DCHS2: variants seen among roughly 807,000 people sequenced by gnomAD.
DCHS2 encodes protocadherin-23.
DCHS2 carries 142 observed loss-of-function variants against 182.4 expected under a neutral mutation model. The observed-to-expected ratio is 0.78, with a 90% confidence interval of 0.68 to 0.89. The LOEUF (loss-of-function observed/expected upper bound fraction) is 0.89. Ranked by LOEUF, DCHS2 falls within the 40% of genes least tolerant of loss-of-function variation. DCHS2 has a pLI of 0.00. For missense variants in DCHS2, 4,319 were observed against 4,198.6 expected, an observed-to-expected ratio of 1.03 and a Z score of -0.79; for synonymous variants, 1,740 against 1,663.3, an observed-to-expected ratio of 1.05 and a Z score of -1.12.
chr4:154,377,374 C>T lies in DCHS2; in HGVS notation c.2123G>A (p.Ser708Asn), dbSNP rs551298075. 2 of 1,613,554 alleles carry T rather than the reference C, an allele frequency of 1.2e-6. No homozygotes were observed. Among genetic ancestry groups the T allele is most frequent in the Admixed American group, 3.3e-5 (2 of 59,980 alleles). ...CCGGAATGCCTGAGGTGCTTCATAGCTCAGGAATCCATCATAAAGAGAATA... is the reference window on the plus strand; with the variant it reads ...CCGGAATGCCTGAGGTGCTTCATAGTTCAGGAATCCATCATAAAGAGAATA... ...IEYSLYDGFLSYEAPQAFRID... is the reference protein window; with the variant it reads ...IEYSLYDGFLNYEAPQAFRID... Residue 708 changes from serine to asparagine, a missense_variant, in exon 2 of 20, where the codon AGC (serine) becomes AAC (asparagine). Ser to Asn is a conservative substitution (Grantham distance 46). Transcript: ENST00000357232.
At chr4:154,456,713 G>A (rs1271059959) in intron 1 of DCHS2, among the ~76,000 whole-genome samples, 5 of 152,284 alleles carry the variant, frequency 3.3e-5, no homozygotes, top group Admixed American at 6.5e-5. Flanking sequence ...ACAAGTCAAG[G>A]AAGACGTTCT....
Position 154,343,766 on chromosome 4 carries a change from G to T in DCHS2, c.2477-8662C>A, listed in dbSNP as rs930796785. On this transcript the variant is annotated intron_variant, in intron 3 of 19. Coordinates refer to ENST00000357232, the MANE Select transcript of DCHS2 (RefSeq NM_001358235.2). ...TCTGACTCAGCAATGAGTCTCTTTTGCTTTCTTATCATTTTTCTGTTCACT... is the reference window on the plus strand; with the variant it reads ...TCTGACTCAGCAATGAGTCTCTTTTTCTTTCTTATCATTTTTCTGTTCACT... 2.3e-5 allele frequency: 24 copies of T among 1,028,254 alleles called. No individual in the cohort carries two copies. In the Admixed American group the frequency reaches 2.9e-4, roughly 13 times the overall value. 63.7% of individuals were successfully genotyped at this position (1,028,254 alleles called of 1,614,324 possible). A position where few individuals can be genotyped will look rare whatever the true frequency, so the allele number is the denominator to read the frequency against.
chr4:154,468,255 A>G (rs1735318748), intron 1 of DCHS2, among the ~76,000 whole-genome samples: 2 of 152,158 alleles, frequency 1.3e-5, no homozygotes, highest in African/African-American at 4.8e-5. Context: ...CTAGATACAA[A>G]TCATAAAATA....
chr4:154,381,406 C>T (rs1731162371), intron 1 of DCHS2, among the ~76,000 whole-genome samples: 1 of 152,036 alleles, frequency 6.6e-6, no homozygotes, highest in Non-Finnish European at 1.5e-5. Context: ...TTCGCCACTC[C>T]TATTCAACAC....
At position 154,333,154 on chromosome 4, in the gene DCHS2, G is replaced by C; in HGVS notation, c.3054C>G (p.Ile1018Met). 6.2e-7 allele frequency: 1 copy of C among 1,614,192 alleles called. No individual in the cohort carries two copies. Among genetic ancestry groups the C allele is most frequent in the Non-Finnish European group, 8.5e-7 (1 of 1,180,052 alleles). Residue 1018 changes from isoleucine to methionine, a missense_variant, in exon 5 of 20, where the codon ATC becomes ATG. Physicochemically the swap from Ile to Met is conservative, Grantham distance 10. Coordinates refer to ENST00000357232, the MANE Select transcript of DCHS2 (RefSeq NM_001358235.2). ...SGRNGLIRYS[I>M]ASPQPGVFAI... ...CAAAGACGCCTGGCTGCGGGCTGGC[G>C]ATGGAGTACCGGATGAGTCCGTTCC...
At chr4:154,326,219 C>A (rs990501004) in intron 7 of DCHS2, among the ~76,000 whole-genome samples, 1 of 152,176 alleles carries the variant, frequency 6.6e-6, no homozygotes, top group Non-Finnish European at 1.5e-5. Flanking sequence ...GCTTTAAAAA[C>A]CTTTTTAATT....
rs544275501 is a variant in DCHS2 at position 154,239,495 on chromosome 4, A to G, written c.7360-193T>C. Reference sequence around the variant, plus strand: ...TTGTGTGAATAGTCCCTGGATTCAGAAAAAAAGGTGTTGTTTTGTTTTGTT... The same window carrying G: ...TTGTGTGAATAGTCCCTGGATTCAGGAAAAAAGGTGTTGTTTTGTTTTGTT... On this transcript the variant is annotated intron_variant, in intron 18 of 19. Transcript: ENST00000357232. 4.9e-3 allele frequency among the ~76,000 whole-genome samples: 745 copies of G among 152,206 alleles called. 2 individuals carry two copies. Among genetic ancestry groups the G allele is most frequent in the Middle Eastern group, 0.01 (3 of 294 alleles).
At chr4:154,251,508 T>C (rs1732358428) in intron 16 of DCHS2, among the ~76,000 whole-genome samples, 1 of 152,138 alleles carries the variant, frequency 6.6e-6, no homozygotes, top group Non-Finnish European at 1.5e-5. Context: ...TATATCTTAC[T>C]AGGACTTGAT....
intron 1 of DCHS2, among the ~76,000 whole-genome samples, chr4:154,404,628 T>G (rs1403174904): frequency 1.3e-5 from 2 of 152,242 alleles, no homozygotes; most frequent in Admixed American, 1.3e-4. Flanking sequence ...TGTTAACATC[T>G]CTAATTTATG....
At chr4:154,357,165 C>A in intron 3 of DCHS2, 1 of 1,195,402 alleles carries the variant, frequency 8.4e-7, no homozygotes, top group Non-Finnish European at 1.2e-6. Flanking sequence ...GCTTTCATGG[C>A]CTTTTTGGTG....
intron 3 of DCHS2, chr4:154,343,677 T>C: frequency 7.2e-7 from 1 of 1,389,618 alleles, no homozygotes; most frequent in Non-Finnish European, 9.4e-7. Flanking sequence ...GACCTTGCTC[T>C]GGATTAGGCT....
chr4:154,351,760 G>A (rs185553151), intron 3 of DCHS2, among the ~76,000 whole-genome samples: 21 of 152,138 alleles, frequency 1.4e-4, no homozygotes, highest in African/African-American at 4.8e-4. Flanking sequence ...TTCATAATAG[G>A]GTTAGTGCTC....
chr4:154,451,816 T>C (rs1470475651), intron 1 of DCHS2, among the ~76,000 whole-genome samples: 3 of 152,238 alleles, frequency 2.0e-5, no homozygotes, highest in Non-Finnish European at 4.4e-5. Flanking sequence ...CTTGGTCGTA[T>C]GTTGAGAAAC....
intron 1 of DCHS2, among the ~76,000 whole-genome samples, chr4:154,395,085 G>C (rs531442145): frequency 6.6e-6 from 1 of 152,052 alleles, no homozygotes; most frequent in Non-Finnish European, 1.5e-5. Flanking sequence ...AAGCTATTTT[G>C]TGTTTTAAAT....
intron 3 of DCHS2, among the ~76,000 whole-genome samples, chr4:154,354,070 G>A (rs971091882): frequency 2.0e-5 from 3 of 152,238 alleles, no homozygotes; most frequent in South Asian, 2.1e-4. Flanking sequence ...GGTACTACAG[G>A]CATGTGCCAC....
chr4:154,377,538 A>G (rs1025610846), intron 1 of DCHS2, 94 bp from the exon 2 acceptor site: 11 of 969,638 alleles, frequency 1.1e-5, no homozygotes, highest in Non-Finnish European at 1.5e-5. Context: ...ACAACCACAT[A>G]ACCCCCATAG....
chr4:154,390,492 A>C (rs1731648513), intron 1 of DCHS2, among the ~76,000 whole-genome samples: 1 of 151,384 alleles, frequency 6.6e-6, no homozygotes, highest in Non-Finnish European at 1.5e-5. Flanking sequence ...CTTTTATATC[A>C]CTAAGTCATT....
chr4:154,433,209 T>C (rs1733627100), intron 1 of DCHS2, among the ~76,000 whole-genome samples: 1 of 151,930 alleles, frequency 6.6e-6, no homozygotes, highest in Non-Finnish European at 1.5e-5. Context: ...GGAGGCAGTT[T>C]GGAATGATGC....
At chr4:154,419,402 C>T (rs1318030090) in intron 1 of DCHS2, among the ~76,000 whole-genome samples, 3 of 151,844 alleles carry the variant, frequency 2.0e-5, no homozygotes, top group Non-Finnish European at 2.9e-5. Flanking sequence ...TTTAAAAATG[C>T]TACTTTGTGA....
Sources: gnomAD v4.1 joint callset for allele counts (sites outside exome capture counted in the v4.1 genomes callset) on GRCh38, gnomAD v4.1.1 for gene constraint, MANE v1.5 for transcripts, NCBI Gene and HGNC (gene_info 2026-07-23, HGNC 2026-07-21) for gene names.